Variants in SERPINA11 observed in about 807,000 individuals in gnomAD.
SERPINA11 encodes the protein serpin family A member 11, also known as serpin A11.
Under a neutral mutation model 29.4 loss-of-function variants are expected in SERPINA11, and 28 were observed. The observed-to-expected ratio is 0.95, with a 90% CI of 0.70 to 1.30. The LOEUF (loss-of-function observed/expected upper bound fraction) is 1.30. SERPINA11 is among the 50% of genes most tolerant of loss of function. The probability of loss-of-function intolerance (pLI) is 0.00; values close to 1 mark genes in which losing one functional copy is unlikely to be tolerated. For synonymous variants in SERPINA11, 253 were observed against 206.6 expected, an observed-to-expected ratio of 1.22 and a Z score of -1.92; for missense variants, 530 against 507.3, an observed-to-expected ratio of 1.04 and a Z score of -0.43.
Position 94,442,696 on chromosome 14 carries a change from G to A in SERPINA11, c.1179C>T (p.His393=), listed in dbSNP as rs1364572189. ...SLNTMSDPHA[H]FNRPFLLLLW... is the part of the protein sequence containing the mutation. Reference sequence around the variant, plus strand: ...GGAGCAAGAGGAAAGGCCTGTTGAAGTGGGCATGTGGGTCTGACATGGTGT... The same window carrying A: ...GGAGCAAGAGGAAAGGCCTGTTGAAATGGGCATGTGGGTCTGACATGGTGT... Residue 393 remains histidine, a synonymous_variant, in exon 5 of 5, where the codon CAC becomes CAT. Transcript: ENST00000334708. 6.2e-7 allele frequency: 1 copy of A among 1,613,654 alleles called. No homozygotes were observed. The highest frequency in any genetic ancestry group is 8.5e-7 in the Non-Finnish European group (1 of 1,179,810).
At position 94,448,345 on chromosome 14, in the gene SERPINA11, C is replaced by G. The variant is rs1467569827; in HGVS notation, c.430G>C (p.Asp144His). The change falls in exon 2 of 5, where the codon GAC becomes CAC. Residue 144 changes from aspartate to histidine, a missense_variant. By Grantham distance (81) the Asp-to-His change is moderately conservative (BLOSUM62 -1). Coordinates refer to ENST00000334708, the MANE Select transcript of SERPINA11 (RefSeq NM_001080451.2). ...TGCTGCCGAGGCTTTAGTCGCTTGT[C>G]TAGGAACAGGGAGTTTCCTACTTTT... ...ELKVGNSLFL[D>H]KRLKPRQHYL... 6.2e-7 allele frequency: 1 copy of G among 1,614,130 alleles called. No homozygotes were observed.
Position 94,448,619 on chromosome 14 carries a change from G to A in SERPINA11, c.156C>T (p.Pro52=), listed in dbSNP as rs1336224280. 6.2e-6 allele frequency: 10 copies of A among 1,612,532 alleles called. No individual in the cohort carries two copies. The highest frequency in any genetic ancestry group is 8.5e-6 in the Non-Finnish European group (10 of 1,178,778). The stretch of plus-strand genomic sequence containing the variant: ...AACGCAAAGCAAAATTGGTAATGGT[G>A]GGTGTGATTCTGTGGTAGGCGGGGG... ...EPAPAYHRIT[P]TITNFALRLY... Residue 52 remains proline (P), a synonymous_variant, in exon 2 of 5, where the codon CCC becomes CCT. Transcript: ENST00000334708.
At chr14:94,448,074 C>A (rs927293601) in intron 2 of SERPINA11, 58 bp downstream of exon 2, 2 of 1,531,312 alleles carry the variant, frequency 1.3e-6, no homozygotes, top group African/African-American at 1.4e-5. Flanking sequence ...TGGCTCTCTG[C>A]TGTAAGAGCA....
intron 2 of SERPINA11, among the ~76,000 whole-genome samples, chr14:94,447,193 G>A (rs550985606): frequency 6.6e-6 from 1 of 152,226 alleles, no homozygotes; most frequent in Non-Finnish European, 1.5e-5. Context: ...CATGCATTAG[G>A]CAAAAGCCCA....
intron 3 of SERPINA11, 82 bp downstream of exon 3, chr14:94,446,249 G>T: frequency 7.9e-7 from 1 of 1,265,088 alleles, no homozygotes; most frequent in Non-Finnish European, 1.1e-6. Flanking sequence ...GATGGATGTT[G>T]GGCTTTTGCA....
At chr14:94,446,884 G>A (rs1283618369) in intron 2 of SERPINA11, among the ~76,000 whole-genome samples, 6 of 152,214 alleles carry the variant, frequency 3.9e-5, no homozygotes, top group Non-Finnish European at 1.5e-5. Context: ...CCTTCCATGT[G>A]TTAGACATTA....
chr14:94,446,009 C>CA (rs1244606795), intron 3 of SERPINA11, among the ~76,000 whole-genome samples: 3 of 152,128 alleles, frequency 2.0e-5, no homozygotes, highest in Admixed American at 2.0e-4. Flanking sequence ...AGATGGGGAT[C>CA]AGACAGACAC....
intron 1 of SERPINA11, among the ~76,000 whole-genome samples, chr14:94,449,091 C>T (rs1422580509): frequency 6.6e-6 from 1 of 152,198 alleles, no homozygotes; most frequent in Non-Finnish European, 1.5e-5. Flanking sequence ...TGGCTCACAC[C>T]TATAATCTCA....
intron 3 of SERPINA11, among the ~76,000 whole-genome samples, chr14:94,444,792 C>T (rs1303444365): frequency 6.6e-6 from 1 of 152,132 alleles, no homozygotes; most frequent in Non-Finnish European, 1.5e-5. Flanking sequence ...TAGTGCCTCC[C>T]AGGTTGTGGT....
At position 94,448,788 on chromosome 14, in the gene SERPINA11, G is replaced by T; in HGVS notation, c.-3-11C>A. ...AGCTGGACCCATTCTCTGAAAACAA[G>T]AGGGTGAACATGTCACTTTTCTCCA... is the stretch of plus-strand genomic sequence containing the variant. On this transcript the variant is annotated splice_polypyrimidine_tract_variant and intron_variant, in intron 1 of 4. Coordinates refer to ENST00000334708, the MANE Select transcript of SERPINA11 (RefSeq NM_001080451.2). 4.0e-6 allele frequency: 6 copies of T among 1,505,444 alleles called. No individual in the cohort carries two copies. Among genetic ancestry groups the T allele is most frequent in the Non-Finnish European group, 5.3e-6 (6 of 1,127,776 alleles). The allele number at this position is 1,505,444 out of a possible 1,614,324, so 93.3% of individuals were successfully genotyped here.
chr14:94,449,696 T>G lies in SERPINA11; in HGVS notation c.-3-919A>C, dbSNP rs781461949. 2.0e-5 allele frequency among the ~76,000 whole-genome samples: 3 copies of G among 151,782 alleles called. 1 individual carries two copies. The highest frequency in any genetic ancestry group is 4.4e-5 in the Non-Finnish European group (3 of 68,004). On this transcript the variant is annotated intron_variant, in intron 1 of 4. Transcript: ENST00000334708. ...CCAAGAGGTAGCTAGGTCCTCAGTATTTAGTGGGGAAAGAAGTAAACAAAA... is the reference window on the plus strand; with the variant it reads ...CCAAGAGGTAGCTAGGTCCTCAGTAGTTAGTGGGGAAAGAAGTAAACAAAA...
At chr14:94,445,649 A>G (rs1898420830) in intron 3 of SERPINA11, among the ~76,000 whole-genome samples, 1 of 152,144 alleles carries the variant, frequency 6.6e-6, no homozygotes, top group African/African-American at 2.4e-5. Context: ...GCTCACTGTA[A>G]CCTCAAATTC....
chr14:94,448,514 G>C lies in SERPINA11; in HGVS notation c.261C>G (p.Leu87=), dbSNP rs1282564712. 1.2e-6 allele frequency: 2 copies of C among 1,614,094 alleles called. No homozygotes were observed. Among genetic ancestry groups the C allele is most frequent in the South Asian group, 2.2e-5 (2 of 91,084 alleles). ...AGGTGTTAGCTTGGGCCCCAAGAGA[G>C]AGCAGGGCCAGGGTGGTGGAGATGC... The part of the protein sequence containing the change: ...PVSISTTLAL[L]SLGAQANTSA... Residue 87 remains leucine (L), a synonymous_variant, in exon 2 of 5, where the codon CTC becomes CTG. Transcript: ENST00000334708.
chr14:94,444,266 T>C (rs998976898), intron 3 of SERPINA11, among the ~76,000 whole-genome samples: 1 of 152,168 alleles, frequency 6.6e-6, no homozygotes, highest in Non-Finnish European at 1.5e-5. Flanking sequence ...ACGAATGGTG[T>C]GCCAGGAAGT....
chr14:94,449,833 C>T (rs1021956452), intron 1 of SERPINA11, among the ~76,000 whole-genome samples: 1 of 152,062 alleles, frequency 6.6e-6, no homozygotes, highest in Non-Finnish European at 1.5e-5. Flanking sequence ...ATGTCCTGGC[C>T]ACACTGCCAG....
intron 1 of SERPINA11, among the ~76,000 whole-genome samples, chr14:94,449,441 C>CTT (rs1211719807): frequency 1.9e-5 from 2 of 107,216 alleles, no homozygotes; most frequent in African/African-American, 1.1e-4. Context: ...TTCTTTCTTT[C>CTT]TTTCTTTCTT....
chr14:94,449,481 CTGTCTGTCTGTCTTTCTTTCTCTTTCT>C (rs1566784766), intron 1 of SERPINA11, among the ~76,000 whole-genome samples: 1 of 75,072 alleles, frequency 1.3e-5, no homozygotes, highest in African/African-American at 1.2e-4. Flanking sequence ...TTCTTTCTTT[CTGTCTGTCTGTCTTTCTTTCTCTTTCT>C]TTTTCTTTCT....
intron 1 of SERPINA11, among the ~76,000 whole-genome samples, chr14:94,449,392 C>CTTTTTTT (rs869214312): frequency 2.6e-5 from 1 of 37,892 alleles, no homozygotes; most frequent in African/African-American, 6.8e-5. Context: ...CTCCCTCCCT[C>CTTTTTTT]TTTCTTTCTT....
chr14:94,445,739 T>C (rs969379723), intron 3 of SERPINA11, among the ~76,000 whole-genome samples: 1 of 131,712 alleles, frequency 7.6e-6, no homozygotes, highest in Non-Finnish European at 1.8e-5. Flanking sequence ...CAGCTATATA[T>C]GTTTTTTTTT....
Sources: gnomAD v4.1 joint callset for allele counts (sites outside exome capture counted in the v4.1 genomes callset) on GRCh38, gnomAD v4.1.1 for gene constraint, MANE v1.5 for transcripts, NCBI Gene and HGNC (gene_info 2026-07-23, HGNC 2026-07-21) for gene names.